The following TDRD7 variants were observed in gnomAD, a reference collection of about 807,000 sequenced individuals.
TDRD7 encodes tudor domain containing 7, also known as tudor domain-containing protein 7.
TDRD7 carries 47 observed loss-of-function variants against 109.8 expected under a neutral mutation model. The ratio of observed to expected loss-of-function variants is 0.43; its 90% CI spans 0.34 to 0.55. TDRD7 has a LOEUF of 0.55. Ranked by LOEUF, TDRD7 falls within the 20% of genes least tolerant of loss-of-function variation. The probability of loss-of-function intolerance (pLI) is 0.03; values close to 1 mark genes in which losing one functional copy is unlikely to be tolerated. For missense variants in TDRD7, 1,164 were observed against 1,319.2 expected (o/e 0.88, Z 1.82); for synonymous variants, 424 against 457.3 (o/e 0.93, Z 0.93).
chr9:97,479,145 A>C (rs1215742418), intron 13 of TDRD7, among the ~76,000 whole-genome samples: 1 of 152,222 alleles, frequency 6.6e-6, no homozygotes, highest in Non-Finnish European at 1.5e-5. Context: ...TTAAAAAATA[A>C]AACAATGCGG....
At chr9:97,488,833 C>T (rs142994532) in intron 16 of TDRD7, among the ~76,000 whole-genome samples, 67 of 152,308 alleles carry the variant, frequency 4.4e-4, no homozygotes, top group Non-Finnish European at 8.2e-4. Flanking sequence ...TGGCTGCATC[C>T]CACAAGTTTT....
chr9:97,429,736 C>G (rs185336634), intron 2 of TDRD7, among the ~76,000 whole-genome samples: 8 of 152,318 alleles, frequency 5.3e-5, no homozygotes, highest in Non-Finnish European at 4.4e-5. Context: ...TCACACTTGA[C>G]ACAATGTTTT....
chr9:97,494,889 T>G (rs984786660), intron 16 of TDRD7, among the ~76,000 whole-genome samples: 1 of 151,870 alleles, frequency 6.6e-6, no homozygotes, highest in African/African-American at 2.4e-5. Flanking sequence ...TTTTGTATTT[T>G]TTGTAGAGAC....
chr9:97,475,361 A>G (rs1477814567), intron 11 of TDRD7, 22 bp from the exon 12 acceptor site: 1 of 1,571,580 alleles, frequency 6.4e-7, no homozygotes, highest in Non-Finnish European at 8.8e-7. Flanking sequence ...TAATAAGAGT[A>G]TCATGCATTT....
chr9:97,475,355 A>T (rs1030983077), intron 11 of TDRD7, 28 bp from the exon 12 acceptor site: 6 of 1,546,794 alleles, frequency 3.9e-6, no homozygotes. Context: ...TAAGAGTAAT[A>T]AGAGTATCAT....
chr9:97,491,148 C>T (rs1829303151), intron 16 of TDRD7, among the ~76,000 whole-genome samples: 1 of 152,126 alleles, frequency 6.6e-6, no homozygotes, highest in Non-Finnish European at 1.5e-5. Flanking sequence ...GAACTCCTGA[C>T]TTCGTGATCC....
chr9:97,482,494 C>CT (rs1829131988), intron 14 of TDRD7, among the ~76,000 whole-genome samples: 1 of 152,164 alleles, frequency 6.6e-6, no homozygotes, highest in African/African-American at 2.4e-5. Context: ...GTTCATCATA[C>CT]TTATCATTTC....
chr9:97,495,221 A>G (rs948954101), intron 16 of TDRD7, among the ~76,000 whole-genome samples: 1 of 152,192 alleles, frequency 6.6e-6, no homozygotes, highest in Non-Finnish European at 1.5e-5. Context: ...TGCTGTGTAT[A>G]ATTTTAAATA....
At chr9:97,461,405 A>G (rs1041508404) in intron 7 of TDRD7, among the ~76,000 whole-genome samples, 3 of 152,244 alleles carry the variant, frequency 2.0e-5, no homozygotes, top group African/African-American at 7.2e-5. Context: ...ATCTGGGACT[A>G]TGTAGTATTT....
In TDRD7 at chr9:97,450,982, A is replaced by G. The variant is rs566853961; in HGVS notation, c.855+9107A>G. Reference sequence around the variant, plus strand: ...TTTAGGATGGGGCTGGTCACCAGAAAGACCAACGCATGATTAGAGGGTTGG... The same window carrying G: ...TTTAGGATGGGGCTGGTCACCAGAAGGACCAACGCATGATTAGAGGGTTGG... On this transcript the variant is annotated intron_variant, in intron 6 of 16. Coordinates refer to ENST00000355295, the MANE Select transcript of TDRD7 (RefSeq NM_014290.3). Among the ~76,000 whole-genome samples the G allele has an allele frequency of 2.6e-5, 4 of 151,922 alleles. No individual in the cohort carries two copies. In the East Asian group the frequency reaches 7.7e-4, roughly 29 times the overall value.
intron 4 of TDRD7, among the ~76,000 whole-genome samples, chr9:97,438,846 C>A (rs1205671015): frequency 1.3e-5 from 2 of 152,192 alleles, no homozygotes; most frequent in Non-Finnish European, 2.9e-5. Context: ...GTTGTAACTT[C>A]ATAATGCATT....
At chr9:97,463,889 G>T (rs1436289134) in intron 7 of TDRD7, among the ~76,000 whole-genome samples, 2 of 152,140 alleles carry the variant, frequency 1.3e-5, no homozygotes, top group African/African-American at 4.8e-5. Context: ...CTAGAATATG[G>T]TACCTCTTTT....
At chr9:97,431,373 C>T (rs574295351) in intron 3 of TDRD7, among the ~76,000 whole-genome samples, 3 of 152,002 alleles carry the variant, frequency 2.0e-5, no homozygotes, top group Non-Finnish European at 4.4e-5. Context: ...ATGTCTTGTC[C>T]AGAATGTTGG....
rs1827733628 is a variant in TDRD7 at position 97,412,485 on chromosome 9, G to C, written c.-7+247G>C. 6.6e-6 allele frequency among the ~76,000 whole-genome samples: 1 copy of C among 152,210 alleles called. No individual in the cohort carries two copies. The highest frequency in any genetic ancestry group is 1.5e-5 in the Non-Finnish European group (1 of 68,024). ...TGTTTTAAATCTCTGAAGGGACCCT[G>C]CTCCGGGCCGGGCGTTCACGCGGGA... On this transcript the variant is annotated intron_variant, in intron 1 of 16. Transcript: ENST00000355295. The surrounding 1 kb of genome is among the most constrained non-coding windows in gnomAD (Gnocchi z 4.3).
chr9:97,464,797 C>A (rs775557953), intron 7 of TDRD7, 45 bp from the exon 8 acceptor site: 2 of 1,608,664 alleles, frequency 1.2e-6, no homozygotes, highest in Non-Finnish European at 1.7e-6. Context: ...TGCTTTTCTT[C>A]TTCTAGGTTA....
chr9:97,415,608 G>A (rs1424836609), intron 1 of TDRD7, among the ~76,000 whole-genome samples: 4 of 152,114 alleles, frequency 2.6e-5, no homozygotes, highest in Non-Finnish European at 5.9e-5. Context: ...TAGTGTCTTG[G>A]ATAATTAAGA....
chr9:97,422,696 A>G (rs1207639912), intron 1 of TDRD7, among the ~76,000 whole-genome samples: 2 of 151,912 alleles, frequency 1.3e-5, no homozygotes, highest in African/African-American at 2.4e-5. Context: ...CAGGTTAAGG[A>G]CTTCCCATTT....
chr9:97,454,328 A>T (rs1207231275), intron 6 of TDRD7, among the ~76,000 whole-genome samples: 1 of 152,128 alleles, frequency 6.6e-6, no homozygotes, highest in Admixed American at 6.5e-5. Context: ...AAAATACAAA[A>T]AATTAGCCGG....
At chr9:97,449,256 G>A (rs1406907025) in intron 6 of TDRD7, among the ~76,000 whole-genome samples, 3 of 152,182 alleles carry the variant, frequency 2.0e-5, no homozygotes, top group African/African-American at 7.2e-5. Context: ...AAACCAAGCA[G>A]CGGACACCAG....
Sources: gnomAD v4.1 joint callset for allele counts (sites outside exome capture counted in the v4.1 genomes callset) on GRCh38, gnomAD v4.1.1 for gene constraint, Gnocchi (gnomAD v3.1) non-coding constraint, MANE v1.5 for transcripts, NCBI Gene and HGNC (gene_info 2026-07-23, HGNC 2026-07-21) for gene names.